ACACA: variants seen among roughly 807,000 people sequenced by gnomAD.
ACACA encodes the protein acetyl-CoA carboxylase alpha.
ACACA carries 103 observed loss-of-function variants against 296.1 expected under a neutral mutation model. That is an observed-to-expected ratio of 0.35 (90% confidence interval 0.30 to 0.41). The LOEUF is 0.41. Among genes scored for constraint, ACACA ranks in the 10% least tolerant of loss-of-function variants. The probability of loss-of-function intolerance (pLI) is 1.00; values close to 1 mark genes in which losing one functional copy is unlikely to be tolerated. For missense variants in ACACA, 1,554 were observed against 2,989.7 expected, an observed-to-expected ratio of 0.52 and a Z score of 11.20; for synonymous variants, 953 against 1,038.6, an observed-to-expected ratio of 0.92 and a Z score of 1.58.
chr17:37,328,714 A>G (rs1164415409), intron 3 of ACACA: 5 of 393,742 alleles, frequency 1.3e-5, no homozygotes, highest in Non-Finnish European at 2.2e-5. Flanking sequence ...GAGCTGAATT[A>G]TTTTATGACC....
intron 1 of ACACA, among the ~76,000 whole-genome samples, chr17:37,348,524 G>A (rs2048735271): frequency 6.6e-6 from 1 of 152,056 alleles, no homozygotes; most frequent in African/African-American, 2.4e-5. Context: ...ATTAAACAAT[G>A]CCTTCAAAAT....
chr17:37,349,382 T>C (rs2048783535), intron 1 of ACACA, among the ~76,000 whole-genome samples: 1 of 147,364 alleles, frequency 6.8e-6, no homozygotes, highest in Non-Finnish European at 1.5e-5. Context: ...TTCTTACATA[T>C]ATATATATAT....
intron 1 of ACACA, among the ~76,000 whole-genome samples, chr17:37,405,342 T>C (rs927154030): frequency 4.6e-5 from 7 of 152,326 alleles, no homozygotes; most frequent in Middle Eastern, 3.4e-3. Context: ...ATGAGCTCCA[T>C]GAGGCAGAGA....
intron 29 of ACACA, among the ~76,000 whole-genome samples, chr17:37,219,075 A>G (rs2079162407): frequency 6.6e-6 from 1 of 152,208 alleles, no homozygotes; most frequent in Non-Finnish European, 1.5e-5. Flanking sequence ...AGAAAGACCA[A>G]CTGTGTGATT....
intron 1 of ACACA, among the ~76,000 whole-genome samples, chr17:37,378,897 T>TA (rs1178967798): frequency 2.0e-5 from 3 of 151,988 alleles, no homozygotes; most frequent in Non-Finnish European, 4.4e-5. Context: ...CCCTGTCTTT[T>TA]AAAAAATTAA....
At position 37,131,054 on chromosome 17, in the gene ACACA, CCT is replaced by C. The variant is rs144777214; in HGVS notation, c.5680-838_5680-837del. On this transcript the variant is annotated intron_variant, in intron 45 of 55. Transcript: ENST00000616317. Reference sequence around the variant, plus strand: ...GCAACTCATGATACATACATGAACCCCTGAGTCTCAAGTCTTCTTTGTGTGCT... The same window carrying C: ...GCAACTCATGATACATACATGAACCCGAGTCTCAAGTCTTCTTTGTGTGCT... Among the ~76,000 whole-genome samples the C allele has an allele frequency of 7.4e-3, 1,131 of 152,014 alleles. 6 individuals are homozygous for C. Among genetic ancestry groups the C allele is most frequent in the Non-Finnish European group, 0.013 (854 of 67,958 alleles).
intron 45 of ACACA, among the ~76,000 whole-genome samples, chr17:37,139,296 G>C (rs2075462813): frequency 6.6e-6 from 1 of 152,188 alleles, no homozygotes; most frequent in Non-Finnish European, 1.5e-5. Context: ...AGACAGTGTA[G>C]AGACCCTACA....
At chr17:37,222,277 C>T (rs1241674006) in intron 28 of ACACA, among the ~76,000 whole-genome samples, 4 of 152,296 alleles carry the variant, frequency 2.6e-5, no homozygotes, top group South Asian at 4.1e-4. Flanking sequence ...AATCACAGTA[C>T]AGTTCAACTC....
intron 1 of ACACA, among the ~76,000 whole-genome samples, chr17:37,341,469 T>G (rs1312915094): frequency 6.6e-6 from 1 of 152,090 alleles, no homozygotes; most frequent in Non-Finnish European, 1.5e-5. Context: ...GATGGGCAGA[T>G]CACCTGAGAT....
At chr17:37,132,642 A>G (rs1479598720) in intron 45 of ACACA, among the ~76,000 whole-genome samples, 2 of 152,232 alleles carry the variant, frequency 1.3e-5, no homozygotes, top group African/African-American at 4.8e-5. Context: ...TGTTGCCCAG[A>G]AGAGAGAGCT....
At chr17:37,350,683 T>C (rs1439599675) in intron 1 of ACACA, among the ~76,000 whole-genome samples, 1 of 151,288 alleles carries the variant, frequency 6.6e-6, no homozygotes, top group African/African-American at 2.4e-5. Context: ...CTACTAAAAA[T>C]ACAAAATTAT....
chr17:37,297,873 T>C (rs1336016893), intron 3 of ACACA, among the ~76,000 whole-genome samples: 2 of 152,034 alleles, frequency 1.3e-5, no homozygotes, highest in Non-Finnish European at 2.9e-5. Flanking sequence ...ATTTTTGAAA[T>C]ATATATTTAT....
intron 24 of ACACA, among the ~76,000 whole-genome samples, chr17:37,240,147 A>G (rs1195708211): frequency 1.3e-5 from 2 of 152,222 alleles, no homozygotes; most frequent in African/African-American, 4.8e-5. Context: ...TCTCAATTTC[A>G]GCCTGTGATG....
intron 41 of ACACA, among the ~76,000 whole-genome samples, chr17:37,175,715 T>G (rs1598071528): frequency 1.3e-5 from 2 of 152,238 alleles, no homozygotes; most frequent in East Asian, 3.8e-4. Context: ...AGTAACGTAG[T>G]TCACAGATTT....
At chr17:37,199,834 A>AG (rs1598151564) in intron 35 of ACACA, among the ~76,000 whole-genome samples, 3 of 151,784 alleles carry the variant, frequency 2.0e-5, no homozygotes, top group East Asian at 3.9e-4. Context: ...TTAAAAAAAA[A>AG]AAGAAGAAAA....
chr17:37,165,127 GC>G (rs1194723642), intron 41 of ACACA, among the ~76,000 whole-genome samples: 3 of 63,776 alleles, frequency 4.7e-5, no homozygotes, highest in Non-Finnish European at 6.8e-5. Flanking sequence ...ACCCCGCCCC[GC>G]CCCCCATCTT....
chr17:37,295,340 A>C (rs2083276298), intron 3 of ACACA, among the ~76,000 whole-genome samples: 2 of 152,084 alleles, frequency 1.3e-5, no homozygotes, highest in Non-Finnish European at 2.9e-5. Context: ...AGAAAAATAA[A>C]CCCCAAACTT....
At chr17:37,137,577 A>C (rs1177032480) in intron 45 of ACACA, among the ~76,000 whole-genome samples, 1 of 152,186 alleles carries the variant, frequency 6.6e-6, no homozygotes, top group Non-Finnish European at 1.5e-5. Flanking sequence ...TATTCTATAA[A>C]ACCTCAACCG....
intron 46 of ACACA, 44 bp from the exon 47 acceptor site, chr17:37,129,529 GC>G: frequency 1.9e-6 from 3 of 1,612,260 alleles, no homozygotes; most frequent in Non-Finnish European, 1.7e-6. Flanking sequence ...GTGAACGACA[GC>G]CCTAGACTCC....
Sources: allele counts gnomAD v4.1 joint callset (sites outside exome capture counted in the v4.1 genomes callset), GRCh38; gene constraint gnomAD v4.1.1; transcripts MANE v1.5; gene names NCBI Gene and HGNC (gene_info 2026-07-23, HGNC 2026-07-21).